The following ZKSCAN2 variants were observed in gnomAD, a reference collection of about 807,000 sequenced individuals.
The protein encoded by ZKSCAN2 is zinc finger protein with KRAB and SCAN domains 2.
Under a neutral mutation model 90.5 loss-of-function variants are expected in ZKSCAN2, and 38 were observed. That is an observed-to-expected ratio of 0.42 (90% CI 0.32 to 0.55). The LOEUF (loss-of-function observed/expected upper bound fraction) is 0.55, where lower values mean the gene tolerates loss of function less well. Ranked by LOEUF, ZKSCAN2 falls within the 20% of genes least tolerant of loss-of-function variation. ZKSCAN2 has a pLI of 0.11. For synonymous variants in ZKSCAN2, 429 were observed against 421.6 expected (o/e 1.02, Z -0.22); for missense variants, 1,167 against 1,202.6 (o/e 0.97, Z 0.44).
rs1165051074 is a variant in ZKSCAN2 at position 25,244,169 on chromosome 16, C to T, written c.1597G>A (p.Ala533Thr). ...CACTCTCGAAGCTGTTCAGCTACAGCCCCATACAATTTGCTCTTCCGATGA... is the reference window on the plus strand; with the variant it reads ...CACTCTCGAAGCTGTTCAGCTACAGTCCCATACAATTTGCTCTTCCGATGA... ...ACHRKSKLYG[A>T]VAEQLRECGF... Residue 533 changes from alanine to threonine, a missense_variant, in exon 6 of 7, where the codon GCT (alanine) becomes ACT (threonine). By Grantham distance (58) the Ala-to-Thr change is moderately conservative. Transcript: ENST00000328086. The T allele has an allele frequency of 6.2e-7, 1 of 1,613,986 alleles. No individual in the cohort carries two copies. The highest frequency in any genetic ancestry group is 1.3e-5 in the African/African-American group (1 of 74,902).
intron 5 of ZKSCAN2, among the ~76,000 whole-genome samples, chr16:25,246,063 T>C (rs180731070): frequency 7.6e-4 from 116 of 152,352 alleles, no homozygotes; most frequent in African/African-American, 2.7e-3. Context: ...CTCTTTTGCA[T>C]GGTGTATCTG....
At chr16:25,248,873 C>T (rs991308520) in intron 4 of ZKSCAN2, among the ~76,000 whole-genome samples, 7 of 152,282 alleles carry the variant, frequency 4.6e-5, no homozygotes, top group Admixed American at 3.9e-4. Flanking sequence ...TCACATACAG[C>T]TAAGATACGG....
Position 25,240,031 on chromosome 16 carries a change from T to G in ZKSCAN2, c.2689A>C (p.Asn897His), listed in dbSNP as rs777261667. ...YKCVDCEKSF[N>H]NCTRFREHRR... ...TGTTCTCGAAATCTCGTACAGTTAT[T>G]GAAACTTTTTTCACAGTCCACACAT... The change falls in exon 7 of 7, where the codon AAT becomes CAT. Residue 897 changes from asparagine (N) to histidine (H), a missense_variant. By Grantham distance (68) the Asn-to-His change is moderately conservative. Transcript: ENST00000328086. 1.9e-6 allele frequency: 3 copies of G among 1,613,974 alleles called. No individual in the cohort carries two copies. The highest frequency in any genetic ancestry group is 2.5e-6 in the Non-Finnish European group (3 of 1,179,982).
chr16:25,257,456 A>AT lies in ZKSCAN2; in HGVS notation c.-330_-329insA. 1 of 1,043,674 alleles carries AT rather than the reference A, an allele frequency of 9.6e-7. No individual in the cohort carries two copies. Among genetic ancestry groups the AT allele is most frequent in the Non-Finnish European group, 1.2e-6 (1 of 869,118 alleles). 64.7% of individuals were successfully genotyped at this position (1,043,674 alleles called of 1,614,324 possible). The stretch of plus-strand genomic sequence containing the variant: ...GGGAGAAAAATGAAGCAGGCTGAGG[A>AT]AAGGCTGGGCGGAGGCGGACAGCCG... On this transcript the variant is annotated 5_prime_UTR_variant, in exon 1 of 7. Coordinates refer to ENST00000328086, the MANE Select transcript of ZKSCAN2 (RefSeq NM_001012981.5).
rs372522519 is a variant in ZKSCAN2 at position 25,244,065 on chromosome 16, G to A, written c.1701C>T (p.Gly567=). 10 of 1,614,134 alleles carry A rather than the reference G, an allele frequency of 6.2e-6. No homozygotes were observed. The highest frequency in any genetic ancestry group is 1.1e-5 in the South Asian group (1 of 91,064). Residue 567 remains glycine, a synonymous_variant, in exon 6 of 7, where the codon GGC becomes GGT. Coordinates refer to ENST00000328086, the MANE Select transcript of ZKSCAN2 (RefSeq NM_001012981.5). Reference sequence around the variant, plus strand: ...AGAACGCGCAGGACTCTAGCACGTGGCCATTTTTCACCTTGCGGTAACTCT... The same window carrying A: ...AGAACGCGCAGGACTCTAGCACGTGACCATTTTTCACCTTGCGGTAACTCT... ...LQKSYRKVKN[G]HVLESCAFYK... is the part of the protein sequence containing the mutation.
chr16:25,244,333 A>G (rs1962901204), intron 5 of ZKSCAN2, 57 bp from the exon 6 acceptor site: 2 of 1,528,878 alleles, frequency 1.3e-6, no homozygotes. Flanking sequence ...TCTAGCCTCT[A>G]TACTATATAC....
rs891046704 is a variant in ZKSCAN2, at chr16:25,237,365, G to A, written c.*2451C>T. On this transcript the variant is annotated 3_prime_UTR_variant, in exon 7 of 7. Coordinates refer to ENST00000328086, the MANE Select transcript of ZKSCAN2 (RefSeq NM_001012981.5). ...GTCTAGACAGCCCATTTACAATTAGGAGTAGAGATAGGGGAACCCAAATTC... is the reference window on the plus strand; with the variant it reads ...GTCTAGACAGCCCATTTACAATTAGAAGTAGAGATAGGGGAACCCAAATTC... The A allele has an allele frequency of 6.6e-6, 1 of 152,136 alleles. No individual in the cohort carries two copies. Among genetic ancestry groups the A allele is most frequent in the Non-Finnish European group, 1.5e-5 (1 of 68,036 alleles). 9.4% of individuals were successfully genotyped at this position (152,136 alleles called of 1,614,324 possible).
intron 2 of ZKSCAN2, 132 bp from the exon 3 acceptor site, chr16:25,253,169 G>T: frequency 1.4e-6 from 1 of 739,812 alleles, no homozygotes; most frequent in Non-Finnish European, 2.3e-6. Flanking sequence ...TGTGAGTTCA[G>T]AACAATCCCC....
intron 4 of ZKSCAN2, among the ~76,000 whole-genome samples, chr16:25,247,595 T>C (rs1445985307): frequency 1.3e-5 from 2 of 152,200 alleles, no homozygotes; most frequent in African/African-American, 4.8e-5. Flanking sequence ...ATATGTACCA[T>C]TTCTTTTCCT....
At chr16:25,252,170 A>C (rs992044551) in intron 3 of ZKSCAN2, 135 bp from the exon 4 acceptor site, 7 of 945,970 alleles carry the variant, frequency 7.4e-6, no homozygotes, top group Non-Finnish European at 1.1e-5. Flanking sequence ...CGCCAAATGA[A>C]GCAGAAGAGA....
intron 3 of ZKSCAN2, among the ~76,000 whole-genome samples, chr16:25,252,730 A>G (rs1354186384): frequency 1.3e-5 from 2 of 152,132 alleles, no homozygotes; most frequent in African/African-American, 4.8e-5. Flanking sequence ...CCTAGGCAAC[A>G]TGGTGAAACC....
rs1963043983 is a variant in ZKSCAN2, at chr16:25,253,013, G to A, written c.611C>T (p.Ala204Val). The A allele has an allele frequency of 6.2e-7, 1 of 1,613,902 alleles. No homozygotes were observed. Among genetic ancestry groups the A allele is most frequent in the Admixed American group, 1.7e-5 (1 of 59,986 alleles). Residue 204 changes from alanine (A) to valine (V), a missense_variant, in exon 3 of 7, where the codon GCC becomes GTC. Transcript: ENST00000328086. ...TAGGGTATTCCATTCATCAGCAAGG[G>A]CAGGAACCCAGGGAGAAGGCCGAGC... ...KNARPSPWVP[A>V]LADEWNTLDQ...
rs569366346 is a variant in ZKSCAN2 at position 25,257,631 on chromosome 16, G to C, written c.-504C>G. Reference sequence around the variant, plus strand: ...TCCAGGCCGCCGCGGGTGCCGCTGGGGCCGCCGGATTCCGAGAGCGGCGCC... The same window carrying C: ...TCCAGGCCGCCGCGGGTGCCGCTGGCGCCGCCGGATTCCGAGAGCGGCGCC... On this transcript the variant is annotated 5_prime_UTR_variant, in exon 1 of 7. Coordinates refer to ENST00000328086, the MANE Select transcript of ZKSCAN2 (RefSeq NM_001012981.5). 1 of 471,986 alleles carries C rather than the reference G, an allele frequency of 2.1e-6. No homozygotes were observed. The highest frequency in any genetic ancestry group is 2.1e-5 in the African/African-American group (1 of 47,216). 29.2% of individuals were successfully genotyped at this position (471,986 alleles called of 1,614,324 possible). A position where few individuals can be genotyped will look rare whatever the true frequency, so the allele number is the denominator to read the frequency against.
At chr16:25,252,875 G>A (rs4787702) in intron 3 of ZKSCAN2, 71 bp downstream of exon 3, 166,540 of 1,261,736 alleles carry the variant, frequency 0.13, 11,737 homozygotes, top group Middle Eastern at 0.2. Flanking sequence ...CTGAGATTGC[G>A]CCACTGTACT....
Position 25,239,963 on chromosome 16 carries a change from C to A in ZKSCAN2, c.2757G>T (p.Gln919His). Residue 919 changes from glutamine (Q) to histidine (H), a missense_variant, in exon 7 of 7, where the codon CAG becomes CAT. Physicochemically the swap from Gln to His is conservative, Grantham distance 24. Coordinates refer to ENST00000328086, the MANE Select transcript of ZKSCAN2 (RefSeq NM_001012981.5). Reference protein sequence around the residue: ...HTGEKPYGCAQCGKRFSKSSV... With the variant: ...HTGEKPYGCAHCGKRFSKSSV... ...AACTCTTACTGAAACGTTTGCCACA[C>A]TGGGCACATCCATAGGGCTTCTCTC... The A allele has an allele frequency of 3.1e-6, 5 of 1,614,184 alleles. No individual in the cohort carries two copies. The highest frequency in any genetic ancestry group is 3.4e-6 in the Non-Finnish European group (4 of 1,180,038).
rs150675522 is a variant in ZKSCAN2, at chr16:25,243,413, C to T, written c.1981+372G>A. ...CACGATCTCGGCTCACTGCAACCTG[C>T]GCCTCCCAGGTTTCAAGTGATTCTC... On this transcript the variant is annotated intron_variant, in intron 6 of 6. Transcript: ENST00000328086. 3.4e-3 allele frequency among the ~76,000 whole-genome samples: 519 copies of T among 152,282 alleles called. 2 individuals carry two copies. Among genetic ancestry groups the T allele is most frequent in the African/African-American group, 0.012 (480 of 41,564 alleles).
Position 25,257,132 on chromosome 16 carries a change from C to A in ZKSCAN2, c.-5G>T. On this transcript the variant is annotated 5_prime_UTR_variant, in exon 1 of 7. Coordinates refer to ENST00000328086, the MANE Select transcript of ZKSCAN2 (RefSeq NM_001012981.5). ...AGAGTCGAGGGCGACAGCCATGCTGCAGCCCAGGGGTCAACTTCACGTCTA... is the reference window on the plus strand; with the variant it reads ...AGAGTCGAGGGCGACAGCCATGCTGAAGCCCAGGGGTCAACTTCACGTCTA... 6.3e-7 allele frequency: 1 copy of A among 1,591,416 alleles called. No individual in the cohort carries two copies.
In ZKSCAN2 at chr16:25,238,808, A is replaced by ATC. The variant is rs1962805029; in HGVS notation, c.*1006_*1007dup. 1 of 152,232 alleles carries ATC rather than the reference A, an allele frequency of 6.6e-6. No individual in the cohort carries two copies. The highest frequency in any genetic ancestry group is 2.4e-5 in the African/African-American group (1 of 41,448). 9.4% of individuals were successfully genotyped at this position (152,232 alleles called of 1,614,324 possible). A position where few individuals can be genotyped will look rare whatever the true frequency, so the allele number is the denominator to read the frequency against. ...TTCAGGTGTCTATTACCTCTTCCCTATCCCCTTAAAGTTTTAGAAACACTA... is the reference window on the plus strand; with the variant it reads ...TTCAGGTGTCTATTACCTCTTCCCTATCTCCCCTTAAAGTTTTAGAAACACTA... On this transcript the variant is annotated 3_prime_UTR_variant, in exon 7 of 7. Transcript: ENST00000328086.
At chr16:25,249,795 C>T (rs1295430252) in intron 4 of ZKSCAN2, among the ~76,000 whole-genome samples, 1 of 152,030 alleles carries the variant, frequency 6.6e-6, no homozygotes, top group East Asian at 1.9e-4. Context: ...AGGGAGGCTC[C>T]TCAAAAAATC....
Sources: gnomAD v4.1 joint callset for allele counts (sites outside exome capture counted in the v4.1 genomes callset) on GRCh38, gnomAD v4.1.1 for gene constraint, MANE v1.5 for transcripts, NCBI Gene and HGNC (gene_info 2026-07-23, HGNC 2026-07-21) for gene names.